The following OPRM1 variants were observed in gnomAD, a reference collection of about 807,000 sequenced individuals.
OPRM1 encodes the protein opioid receptor mu 1.
In OPRM1, 27 loss-of-function variants were observed where a neutral mutation model predicts 31.8. The observed-to-expected ratio is 0.85, with a 90% CI of 0.63 to 1.17. The LOEUF is 1.17. OPRM1 is among the 50% of genes most tolerant of loss of function. The pLI, the probability that OPRM1 is intolerant of heterozygous loss-of-function variation, is 0.00. For missense variants in OPRM1, 536 were observed against 511.1 expected (o/e 1.05, Z -0.47); for synonymous variants, 196 against 189.9 (o/e 1.03, Z -0.26).
chr6:154,242,153 G>A (rs1270519967), intron 3 of OPRM1, among the ~76,000 whole-genome samples: 2 of 152,106 alleles, frequency 1.3e-5, no homozygotes, highest in African/African-American at 4.8e-5. Context: ...TCATTCCTTT[G>A]TTCCCATTAG....
At chr6:154,106,385 G>A (rs1391930862) in intron 3 of OPRM1, among the ~76,000 whole-genome samples, 1 of 152,206 alleles carries the variant, frequency 6.6e-6, no homozygotes, top group Non-Finnish European at 1.5e-5. Flanking sequence ...CCAGGCAGAA[G>A]TGCAGATAAG....
At chr6:154,224,581 G>T (rs1779110845) in intron 3 of OPRM1, among the ~76,000 whole-genome samples, 1 of 152,014 alleles carries the variant, frequency 6.6e-6, no homozygotes, top group East Asian at 1.9e-4. Context: ...CATGGTGGTG[G>T]GCCCCTGTAA....
At chr6:154,014,582 TAAA>T (rs111498837) in intron 1 of OPRM1, among the ~76,000 whole-genome samples, 1 of 148,626 alleles carries the variant, frequency 6.7e-6, no homozygotes. Context: ...TGAATTTAGA[TAAA>T]AAAAAAAGCC....
At position 154,109,768 on chromosome 6, in the gene OPRM1, CT is replaced by C. The variant is rs1796113709; in HGVS notation, c.1165-8914del. Among the ~76,000 whole-genome samples, 3 of 53,438 alleles carry C rather than the reference CT, an allele frequency of 5.6e-5. No homozygotes were observed. In the South Asian group the frequency reaches 3.6e-3, roughly 64 times the overall value. 35.1% of individuals were successfully genotyped at this position (53,438 alleles called of 152,430 possible). A position where few individuals can be genotyped will look rare whatever the true frequency, so the allele number is the denominator to read the frequency against. The stretch of plus-strand genomic sequence containing the variant: ...CTGTGAAAAGCCCTACTCTCTCTCC[CT>C]CTCTCTCTCTCTCTCTCTCTCTCTG... On this transcript the variant is annotated intron_variant, in intron 3 of 3. Coordinates refer to ENST00000330432, the MANE Select transcript of OPRM1 (RefSeq NM_000914.5).
intron 3 of OPRM1, among the ~76,000 whole-genome samples, chr6:154,112,035 C>G (rs574382042): frequency 5.9e-5 from 9 of 152,168 alleles, no homozygotes; most frequent in African/African-American, 2.2e-4. Context: ...AAAGTGCTGG[C>G]ATTACAGGCT....
At chr6:154,105,106 A>G (rs1328230701) in intron 3 of OPRM1, among the ~76,000 whole-genome samples, 2 of 152,194 alleles carry the variant, frequency 1.3e-5, no homozygotes, top group Non-Finnish European at 2.9e-5. Context: ...AATTTCTCCA[A>G]TTGTGTTGTA....
intron 3 of OPRM1, among the ~76,000 whole-genome samples, chr6:154,181,126 A>G (rs12207621): frequency 0.082 from 12,398 of 152,098 alleles, 984 homozygotes; most frequent in East Asian, 0.43. Context: ...AAATTTGACA[A>G]CTCTACAACA....
At chr6:154,133,054 G>A (rs1361469838), downstream of OPRM1, among the ~76,000 whole-genome samples, 4 of 151,850 alleles carry the variant, frequency 2.6e-5, no homozygotes, top group Non-Finnish European at 5.9e-5. Context: ...CCGGGAGGCG[G>A]AGCTTGCAGT....
At chr6:154,040,357 T>C (rs576487080) in intron 1 of OPRM1, among the ~76,000 whole-genome samples, 1 of 152,256 alleles carries the variant, frequency 6.6e-6, no homozygotes, top group South Asian at 2.1e-4. Flanking sequence ...CCTGCTGGTT[T>C]AGTACTTCCC....
At chr6:154,073,259 G>T (rs1201712568) in intron 1 of OPRM1, among the ~76,000 whole-genome samples, 1 of 152,114 alleles carries the variant, frequency 6.6e-6, no homozygotes, top group Non-Finnish European at 1.5e-5. Context: ...GTGGTAGCAG[G>T]CATGTTAGTT....
upstream of OPRM1, among the ~76,000 whole-genome samples, chr6:154,035,718 A>G (rs1374430342): frequency 6.6e-6 from 1 of 152,148 alleles, no homozygotes; most frequent in East Asian, 1.9e-4. Flanking sequence ...AAGAGAAGTG[A>G]CTTTTAGCAC....
chr6:154,129,838 A>G lies in OPRM1; in HGVS notation c.*11117A>G, dbSNP rs1457481104. Among the ~76,000 whole-genome samples, 1 of 139,008 alleles carries G rather than the reference A, an allele frequency of 7.2e-6. No homozygotes were observed. The highest frequency in any genetic ancestry group is 2.0e-4 in the East Asian group (1 of 4,962). 91.2% of individuals were successfully genotyped at this position (139,008 alleles called of 152,430 possible). On this transcript the variant is annotated 3_prime_UTR_variant, in exon 4 of 4. Coordinates refer to ENST00000330432, the MANE Select transcript of OPRM1 (RefSeq NM_000914.5). ...ATTTTAAGCGTACTTTACCACCGAC[A>G]CCCTCCCCCCCCAGCACACACACAC...
chr6:154,022,357 A>G (rs1285266589), intron 1 of OPRM1, among the ~76,000 whole-genome samples: 1 of 152,134 alleles, frequency 6.6e-6, no homozygotes, highest in African/African-American at 2.4e-5. Flanking sequence ...TTCCTGAAGA[A>G]GAGAAGAGCC....
chr6:154,214,186 C>A (rs1778196814), intron 3 of OPRM1: 1 of 1,420,098 alleles, frequency 7.0e-7, no homozygotes, highest in Non-Finnish European at 1.0e-6. Context: ...AATATTCTTG[C>A]TAAATTTTCA....
At chr6:154,195,620 T>A (rs1055512896) in intron 3 of OPRM1, among the ~76,000 whole-genome samples, 1 of 152,140 alleles carries the variant, frequency 6.6e-6, no homozygotes, top group African/African-American at 2.4e-5. Context: ...GCCACTTAGA[T>A]GAGATCTTGT....
intron 1 of OPRM1, among the ~76,000 whole-genome samples, chr6:154,028,523 G>A (rs928566971): frequency 3.3e-5 from 5 of 152,184 alleles, no homozygotes; most frequent in South Asian, 2.1e-4. Context: ...TCAGCACTAG[G>A]ACTTGCCTAA....
chr6:154,032,281 C>A (rs1368412132), intron 1 of OPRM1, among the ~76,000 whole-genome samples: 1 of 152,120 alleles, frequency 6.6e-6, no homozygotes, highest in Non-Finnish European at 1.5e-5. Context: ...ATTTAACACC[C>A]ATAAAAGTCT....
chr6:154,219,985 A>AAGGAGTGT (rs1020021801), intron 3 of OPRM1, among the ~76,000 whole-genome samples: 2 of 140,052 alleles, frequency 1.4e-5, no homozygotes, highest in East Asian at 4.3e-4. Flanking sequence ...ACCTGTAAGG[A>AAGGAGTGT]GTGTGTGTGT....
chr6:154,031,685 G>A (rs540384475), intron 1 of OPRM1, among the ~76,000 whole-genome samples: 9 of 152,244 alleles, frequency 5.9e-5, no homozygotes, highest in African/African-American at 1.2e-4. Context: ...AGATTGCAGT[G>A]AGCCGAGATC....
Sources: allele counts gnomAD v4.1 joint callset (sites outside exome capture counted in the v4.1 genomes callset), GRCh38; gene constraint gnomAD v4.1.1; transcripts MANE v1.5; gene names NCBI Gene and HGNC (gene_info 2026-07-23, HGNC 2026-07-21).